ADD1: variants seen among roughly 807,000 people sequenced by gnomAD.
ADD1 encodes the protein adducin 1, also known as alpha-adducin.
A neutral mutation model predicts 80.5 loss-of-function variants in ADD1; 24 were observed. The observed-to-expected ratio is 0.30, with a 90% CI of 0.22 to 0.42. The LOEUF (loss-of-function observed/expected upper bound fraction) is 0.42, where lower values mean the gene tolerates loss of function less well. Ranked by LOEUF, ADD1 falls within the 10% of genes least tolerant of loss-of-function variation. The pLI, the probability that ADD1 is intolerant of heterozygous loss-of-function variation, is 1.00. For missense variants in ADD1, 948 were observed against 1,019.0 expected (o/e 0.93, Z 0.95); for synonymous variants, 373 against 393.8 (o/e 0.95, Z 0.63).
At chr4:2,867,879 G>A (rs1729788386) in intron 1 of ADD1, 1 of 152,182 alleles carries the variant, frequency 6.6e-6, no homozygotes, top group Non-Finnish European at 1.5e-5. Flanking sequence ...CCCCATTACT[G>A]GCTGCTTAAC....
At chr4:2,925,929 G>C (rs1740890089) in intron 14 of ADD1, 85 bp from the exon 15 acceptor site, 1 of 1,195,180 alleles carries the variant, frequency 8.4e-7, no homozygotes, top group Admixed American at 2.0e-5. Flanking sequence ...CGGCCGAGCG[G>C]GCTGCCCCAT....
In ADD1 at chr4:2,884,584, A is replaced by G; in HGVS notation, c.428A>G (p.Lys143Arg). ...TCTATTGCGTATGACAAAGGAGAGA[A>G]GTTATTACGGTGTAAATTGGCAGCG... The part of the protein sequence containing the change: ...SDSIAYDKGE[K>R]LLRCKLAAFY... Residue 143 changes from lysine (K) to arginine (R), a missense_variant, in exon 4 of 16, where the codon AAG becomes AGG. By Grantham distance (26) the Lys-to-Arg change is conservative (BLOSUM62 2). Coordinates refer to ENST00000683351, the MANE Select transcript of ADD1 (RefSeq NM_001354761.2). 2 of 1,613,696 alleles carry G rather than the reference A, an allele frequency of 1.2e-6. No individual in the cohort carries two copies. The highest frequency in any genetic ancestry group is 1.7e-6 in the Non-Finnish European group (2 of 1,179,740).
At chr4:2,924,249 C>T (rs1262499314) in intron 14 of ADD1, among the ~76,000 whole-genome samples, 4 of 152,188 alleles carry the variant, frequency 2.6e-5, no homozygotes, top group African/African-American at 9.7e-5. Flanking sequence ...AAATGTCAGG[C>T]TTTGAAAAGG....
chr4:2,921,880 T>G (rs1740107630), intron 14 of ADD1, among the ~76,000 whole-genome samples: 1 of 152,018 alleles, frequency 6.6e-6, no homozygotes, highest in Non-Finnish European at 1.5e-5. Context: ...TTTCATTAAG[T>G]TGATCTTCAA....
chr4:2,897,746 C>T (rs1264230282), intron 6 of ADD1, among the ~76,000 whole-genome samples: 2 of 151,952 alleles, frequency 1.3e-5, no homozygotes, highest in African/African-American at 4.8e-5. Flanking sequence ...TGACGTCGAA[C>T]TTCCAGGCTC....
At chr4:2,854,330 G>A (rs192138457) in intron 1 of ADD1, among the ~76,000 whole-genome samples, 339 of 152,158 alleles carry the variant, frequency 2.2e-3, no homozygotes, top group African/African-American at 7.8e-3. Context: ...TCTTAAGAAA[G>A]CAAGCAAGCA....
At chr4:2,862,885 G>T (rs1478014675) in intron 1 of ADD1, among the ~76,000 whole-genome samples, 2 of 152,172 alleles carry the variant, frequency 1.3e-5, no homozygotes, top group Admixed American at 1.3e-4. Context: ...GTTAGTGCTT[G>T]GTAGATATTT....
In ADD1 at chr4:2,926,164, C is replaced by T. The variant is rs773695430; in HGVS notation, c.2047+52C>T. The T allele has an allele frequency of 1.5e-5, 22 of 1,492,696 alleles. No homozygotes were observed. The highest frequency in any genetic ancestry group is 7.9e-5 in the South Asian group (7 of 88,308). 92.5% of individuals were successfully genotyped at this position (1,492,696 alleles called of 1,614,324 possible). A position where few individuals can be genotyped will look rare whatever the true frequency, so the allele number is the denominator to read the frequency against. ...ACTGTGGGAGGGTGCACGGCTCGTG[C>T]GCGCTGTGGCGGAATGTGGCGGGAG... On this transcript the variant is annotated intron_variant, in intron 15 of 15. Coordinates refer to ENST00000683351, the MANE Select transcript of ADD1 (RefSeq NM_001354761.2). The surrounding 1 kb of genome is among the most constrained non-coding windows in gnomAD (Gnocchi z 5.0).
chr4:2,874,029 G>A (rs1024405395), intron 1 of ADD1, among the ~76,000 whole-genome samples: 1 of 152,074 alleles, frequency 6.6e-6, no homozygotes, highest in African/African-American at 2.4e-5. Flanking sequence ...GGGCAACATA[G>A]TGAGACCTCA....
At chr4:2,859,922 C>T (rs1728601529) in intron 1 of ADD1, among the ~76,000 whole-genome samples, 2 of 112,366 alleles carry the variant, frequency 1.8e-5, no homozygotes, top group Non-Finnish European at 3.7e-5. Flanking sequence ...GATATTGCTC[C>T]ATTTTTTTTT....
Position 2,926,406 on chromosome 4 carries a change from C to T in ADD1, c.2047+294C>T. 1.4e-6 allele frequency: 1 copy of T among 695,398 alleles called. No individual in the cohort carries two copies. Among genetic ancestry groups the T allele is most frequent in the Non-Finnish European group, 2.6e-6 (1 of 381,498 alleles). The allele number at this position is 695,398 out of a possible 1,614,324, so 43.1% of individuals were successfully genotyped here. A position where few individuals can be genotyped will look rare whatever the true frequency, so the allele number is the denominator to read the frequency against. Reference sequence around the variant, plus strand: ...TCGCACACTCCTCGTGCCGTGTTGTCATGCAGATGCCACCTTCGGAGGTGC... The same window carrying T: ...TCGCACACTCCTCGTGCCGTGTTGTTATGCAGATGCCACCTTCGGAGGTGC... On this transcript the variant is annotated intron_variant, in intron 15 of 15. Transcript: ENST00000683351. This position sits in a 1 kb window ranked among gnomAD's most constrained non-coding sequence, Gnocchi z 5.0.
At chr4:2,895,889 ATT>A (rs1434204816) in intron 6 of ADD1, among the ~76,000 whole-genome samples, 5 of 142,394 alleles carry the variant, frequency 3.5e-5, no homozygotes, top group Non-Finnish European at 3.1e-5. Flanking sequence ...GTAATGCTGT[ATT>A]TTTTTTTTTT....
At chr4:2,896,369 C>T (rs555636129) in intron 6 of ADD1, among the ~76,000 whole-genome samples, 5 of 151,934 alleles carry the variant, frequency 3.3e-5, no homozygotes, top group South Asian at 4.2e-4. Context: ...CCACCATTCC[C>T]GGCTAATTTT....
chr4:2,856,591 T>G (rs947796790), intron 1 of ADD1, among the ~76,000 whole-genome samples: 5 of 148,468 alleles, frequency 3.4e-5, no homozygotes, highest in South Asian at 2.1e-4. Flanking sequence ...AGAGTTTTTT[T>G]TTTTTTTTTT....
chr4:2,852,807 C>CCTCCCACCCAGCTTCCTGAGCAGCT, intron 1 of ADD1, among the ~76,000 whole-genome samples: 2 of 149,800 alleles, frequency 1.3e-5, no homozygotes, highest in Non-Finnish European at 3.0e-5. Flanking sequence ...CCCGAGCAGT[C>CCTCCCACCCAGCTTCCTGAGCAGCT]CTCCCACCCA....
chr4:2,899,454 C>G lies in ADD1; in HGVS notation c.1161+19C>G. On this transcript the variant is annotated intron_variant, in intron 9 of 15. Coordinates refer to ENST00000683351, the MANE Select transcript of ADD1 (RefSeq NM_001354761.2). ...TAATCTGGTAAGAATGGTGCCACCA[C>G]TTGATGATAAACCTTTTGTTCTAAA... 1 of 1,613,962 alleles carries G rather than the reference C, an allele frequency of 6.2e-7. No individual in the cohort carries two copies. The highest frequency in any genetic ancestry group is 8.5e-7 in the Non-Finnish European group (1 of 1,179,874).
chr4:2,927,981 G>C (rs1712165351), intron 15 of ADD1, among the ~76,000 whole-genome samples, 190 bp from the exon 16 acceptor site: 1 of 152,146 alleles, frequency 6.6e-6, no homozygotes, highest in Non-Finnish European at 1.5e-5. Context: ...CCGAGACTGA[G>C]TCTGTATTTT....
At position 2,915,999 on chromosome 4, in the gene ADD1, C is replaced by T. The variant is rs577950505; in HGVS notation, c.1948+959C>T. On this transcript the variant is annotated intron_variant, in intron 14 of 15. Transcript: ENST00000683351. ...GATGTCCTGCCGTGGTCCCATCCAGCAGCTGTGATGAGAGGAGACAGCAGG... is the reference window on the plus strand; with the variant it reads ...GATGTCCTGCCGTGGTCCCATCCAGTAGCTGTGATGAGAGGAGACAGCAGG... Among the ~76,000 whole-genome samples, 16 of 152,132 alleles carry T rather than the reference C, an allele frequency of 1.1e-4. No homozygotes were observed. The East Asian group carries it at 3.1e-3, about 29-fold the overall frequency.
chr4:2,886,735 G>A (rs1042897261), intron 4 of ADD1, among the ~76,000 whole-genome samples: 1 of 152,254 alleles, frequency 6.6e-6, no homozygotes, highest in African/African-American at 2.4e-5. Flanking sequence ...GAGCTCGCTG[G>A]GACCTTTTGA....
Sources: allele counts gnomAD v4.1 joint callset (sites outside exome capture counted in the v4.1 genomes callset), GRCh38; gene constraint gnomAD v4.1.1; non-coding constraint Gnocchi (gnomAD v3.1); transcripts MANE v1.5; gene names NCBI Gene and HGNC (gene_info 2026-07-23, HGNC 2026-07-21).